The following IQCH variants were observed in gnomAD, a reference collection of about 807,000 sequenced individuals.
The protein encoded by IQCH is IQ motif containing H, also known as IQ domain-containing protein H.
IQCH carries 98 observed loss-of-function variants against 117.0 expected under a neutral mutation model. That is an observed-to-expected ratio of 0.84 (90% CI 0.71 to 0.99). The LOEUF is 0.99. Ranked by LOEUF, IQCH falls within the 50% of genes least tolerant of loss-of-function variation. IQCH has a pLI of 0.00. For synonymous variants in IQCH, 412 were observed against 448.2 expected, an observed-to-expected ratio of 0.92 and a Z score of 1.02; for missense variants, 1,102 against 1,243.8, an observed-to-expected ratio of 0.89 and a Z score of 1.72.
rs1046123009 is a variant in IQCH at position 67,500,331 on chromosome 15, G to A, written c.2971-302G>A. 2.0e-5 allele frequency among the ~76,000 whole-genome samples: 3 copies of A among 151,980 alleles called. No homozygotes were observed. The highest frequency in any genetic ancestry group is 4.4e-5 in the Non-Finnish European group (3 of 67,944). On this transcript the variant is annotated intron_variant, in intron 20 of 20. Transcript: ENST00000335894. This position sits in a 1 kb window ranked among gnomAD's most constrained non-coding sequence, Gnocchi z 4.4. ...GATCAACATTTTTAACAAAATAGAA[G>A]AAAATTTAATTACTAGAAAAATACG...
intron 18 of IQCH, among the ~76,000 whole-genome samples, chr15:67,477,480 G>C (rs2083234513): frequency 6.6e-6 from 1 of 152,208 alleles, no homozygotes; most frequent in African/African-American, 2.4e-5. Flanking sequence ...TCTTTGGTTA[G>C]ATGAATTCGT....
At chr15:67,420,685 T>C (rs2081713828) in intron 15 of IQCH, among the ~76,000 whole-genome samples, 1 of 152,198 alleles carries the variant, frequency 6.6e-6, no homozygotes, top group Non-Finnish European at 1.5e-5. Context: ...TAAAATGTAA[T>C]AAATTATAAA....
At chr15:67,261,472 G>C in intron 2 of IQCH, 78 bp downstream of exon 2, 1 of 1,259,430 alleles carries the variant, frequency 7.9e-7, no homozygotes, top group Non-Finnish European at 1.1e-6. Context: ...AGTTCTCATA[G>C]AGTCCTGCAT....
chr15:67,344,964 A>G (rs1235508126), intron 6 of IQCH, among the ~76,000 whole-genome samples: 2 of 152,146 alleles, frequency 1.3e-5, no homozygotes, highest in Non-Finnish European at 2.9e-5. Context: ...ATCTTTCTAT[A>G]GAAGAATTCC....
At position 67,408,936 on chromosome 15, in the gene IQCH, A is replaced by G. The variant is rs1478843028; in HGVS notation, c.2098-7995A>G. 2.0e-5 allele frequency among the ~76,000 whole-genome samples: 3 copies of G among 151,268 alleles called. No homozygotes were observed. The highest frequency in any genetic ancestry group is 7.2e-5 in the African/African-American group (3 of 41,380). ...TATGTATTTACTTGATATCACTCTT[A>G]TATTTTAATATAATTTCCTTAAAAC... On this transcript the variant is annotated intron_variant, in intron 14 of 20. Coordinates refer to ENST00000335894, the MANE Select transcript of IQCH (RefSeq NM_001031715.3). The surrounding 1 kb of genome is among the most constrained non-coding windows in gnomAD (Gnocchi z 4.2).
chr15:67,386,260 C>T lies in IQCH; in HGVS notation c.1456+1241C>T, dbSNP rs1046783260. Reference sequence around the variant, plus strand: ...TTTCTATATATAGTATAAGCCATCACGAAATAATTTCTTTATAAAAGATTC... The same window carrying T: ...TTTCTATATATAGTATAAGCCATCATGAAATAATTTCTTTATAAAAGATTC... On this transcript the variant is annotated intron_variant, in intron 11 of 20. Coordinates refer to ENST00000335894, the MANE Select transcript of IQCH (RefSeq NM_001031715.3). The surrounding 1 kb of genome is among the most constrained non-coding windows in gnomAD (Gnocchi z 5.0). Among the ~76,000 whole-genome samples, 9 of 151,888 alleles carry T rather than the reference C, an allele frequency of 5.9e-5. No individual in the cohort carries two copies. The highest frequency in any genetic ancestry group is 1.3e-4 in the Admixed American group (2 of 15,244).
At position 67,395,269 on chromosome 15, in the gene IQCH, G is replaced by T; in HGVS notation, c.1633-22G>T. 1 of 1,602,904 alleles carries T rather than the reference G, an allele frequency of 6.2e-7. No homozygotes were observed. ...TAGAAAAAAGGACACCTTTTAACAA[G>T]AATAATATGATCTTCCCCCAGAAGC... On this transcript the variant is annotated intron_variant, in intron 12 of 20. Transcript: ENST00000335894. The surrounding 1 kb of genome is among the most constrained non-coding windows in gnomAD (Gnocchi z 4.0).
chr15:67,257,153 T>C (rs538916887), intron 1 of IQCH, among the ~76,000 whole-genome samples: 23 of 152,326 alleles, frequency 1.5e-4, no homozygotes, highest in African/African-American at 5.3e-4. Flanking sequence ...TGACTTTGAG[T>C]TAGGCACTCA....
intron 3 of IQCH, among the ~76,000 whole-genome samples, chr15:67,277,735 G>A (rs1247236346): frequency 2.0e-5 from 3 of 151,650 alleles, no homozygotes; most frequent in African/African-American, 4.8e-5. Context: ...GGGTTTCACC[G>A]TGTTAGCCAG....
Position 67,421,489 on chromosome 15 carries a change from T to C in IQCH, c.2417T>C (p.Ile806Thr), listed in dbSNP as rs958328632. 2.5e-6 allele frequency: 4 copies of C among 1,614,154 alleles called. No homozygotes were observed. The highest frequency in any genetic ancestry group is 3.4e-6 in the Non-Finnish European group (4 of 1,180,012). ...GTTCTCACTTATTTGTGCCTCCAAA[T>C]TGGAAAAGCCTGCAGAATGAGAGAT... Reference protein sequence around the residue: ...PQVLTYLCLQIGKACRMRDVV... With the variant: ...PQVLTYLCLQTGKACRMRDVV... Residue 806 changes from isoleucine to threonine, a missense_variant, in exon 16 of 21, where the codon ATT (isoleucine) becomes ACT (threonine). By Grantham distance (89) the Ile-to-Thr change is moderately conservative (BLOSUM62 -1). Coordinates refer to ENST00000335894, the MANE Select transcript of IQCH (RefSeq NM_001031715.3).
intron 1 of IQCH, among the ~76,000 whole-genome samples, chr15:67,258,387 C>T (rs35731545): frequency 0.014 from 2,053 of 151,274 alleles, 17 homozygotes; most frequent in Non-Finnish European, 0.019. Context: ...AAAAATTAGC[C>T]GAGCGTGGTG....
intron 8 of IQCH, chr15:67,371,628 C>A: frequency 3.9e-6 from 3 of 767,644 alleles, no homozygotes; most frequent in South Asian, 1.9e-5. Context: ...AAGTGATGAT[C>A]TTTTATGAAG....
At position 67,490,325 on chromosome 15, in the gene IQCH, C is replaced by G. The variant is rs1044040265; in HGVS notation, c.2861+261C>G. Among the ~76,000 whole-genome samples, 27 of 152,146 alleles carry G rather than the reference C, an allele frequency of 1.8e-4. 1 individual carries two copies. Among genetic ancestry groups the G allele is most frequent in the African/African-American group, 6.0e-4 (25 of 41,430 alleles). ...GGTTCAAGCGATTCTCCTGCCTCAG[C>G]CTCCCAAGTAGCTGGGATTACAGGT... On this transcript the variant is annotated intron_variant, in intron 19 of 20. Transcript: ENST00000335894. This position sits in a 1 kb window ranked among gnomAD's most constrained non-coding sequence, Gnocchi z 4.9.
At position 67,453,926 on chromosome 15, in the gene IQCH, A is replaced by G. The variant is rs1357362937; in HGVS notation, c.2506-11201A>G. On this transcript the variant is annotated intron_variant, in intron 16 of 20. Coordinates refer to ENST00000335894, the MANE Select transcript of IQCH (RefSeq NM_001031715.3). The surrounding 1 kb of genome is among the most constrained non-coding windows in gnomAD (Gnocchi z 5.8). ...ACGTAATCAAACAACTAACTCGGCAATGGCGGGCACCCCTCCCCCAGCCTC... is the reference window on the plus strand; with the variant it reads ...ACGTAATCAAACAACTAACTCGGCAGTGGCGGGCACCCCTCCCCCAGCCTC... Among the ~76,000 whole-genome samples the G allele has an allele frequency of 1.3e-5, 2 of 152,236 alleles. No individual in the cohort carries two copies. Among genetic ancestry groups the G allele is most frequent in the East Asian group, 1.9e-4 (1 of 5,190 alleles).
rs1567183799 is a variant in IQCH at position 67,433,405 on chromosome 15, A to G, written c.2505+11828A>G. Among the ~76,000 whole-genome samples the G allele has an allele frequency of 6.6e-6, 1 of 152,330 alleles. No homozygotes were observed. Among genetic ancestry groups the G allele is most frequent in the East Asian group, 1.9e-4 (1 of 5,186 alleles). ...TATTACCATTTGTGACTGTCCTTAAATGTTTGGTTAACCCCCCTTACACTG... is the reference window on the plus strand; with the variant it reads ...TATTACCATTTGTGACTGTCCTTAAGTGTTTGGTTAACCCCCCTTACACTG... On this transcript the variant is annotated intron_variant, in intron 16 of 20. Transcript: ENST00000335894. The surrounding 1 kb of genome is among the most constrained non-coding windows in gnomAD (Gnocchi z 5.4).
rs1175703470 is a variant in IQCH at position 67,424,178 on chromosome 15, C to T, written c.2505+2601C>T. ...GTTTTGTTCTGGTCCATCCACACACCCTGTCTCATTCCCTCTTACTCATCA... is the reference window on the plus strand; with the variant it reads ...GTTTTGTTCTGGTCCATCCACACACTCTGTCTCATTCCCTCTTACTCATCA... On this transcript the variant is annotated intron_variant, in intron 16 of 20. Transcript: ENST00000335894. This position sits in a 1 kb window ranked among gnomAD's most constrained non-coding sequence, Gnocchi z 4.9. Among the ~76,000 whole-genome samples the T allele has an allele frequency of 6.6e-6, 1 of 152,138 alleles. No individual in the cohort carries two copies. Among genetic ancestry groups the T allele is most frequent in the Non-Finnish European group, 1.5e-5 (1 of 68,034 alleles).
chr15:67,397,921 A>G (rs923322389), intron 13 of IQCH, among the ~76,000 whole-genome samples: 1 of 152,226 alleles, frequency 6.6e-6, no homozygotes, highest in Non-Finnish European at 1.5e-5. Context: ...AACATGCTCC[A>G]TGGGAAATAT....
chr15:67,403,019 G>A lies in IQCH; in HGVS notation c.2097+2714G>A, dbSNP rs1026642501. Among the ~76,000 whole-genome samples, 2 of 152,142 alleles carry A rather than the reference G, an allele frequency of 1.3e-5. No homozygotes were observed. Among genetic ancestry groups the A allele is most frequent in the Non-Finnish European group, 1.5e-5 (1 of 68,014 alleles). On this transcript the variant is annotated intron_variant, in intron 14 of 20. Coordinates refer to ENST00000335894, the MANE Select transcript of IQCH (RefSeq NM_001031715.3). This position sits in a 1 kb window ranked among gnomAD's most constrained non-coding sequence, Gnocchi z 4.8. ...TCCTAGCACTCTGGGAGGCCAAGGC[G>A]GGTGAATCACCTGAGGTCAGGAGTT...
At chr15:67,264,890 C>CAT (rs1156766803) in intron 3 of IQCH, among the ~76,000 whole-genome samples, 1 of 142,594 alleles carries the variant, frequency 7.0e-6, no homozygotes, top group Non-Finnish European at 1.6e-5. Context: ...CCTCCCCTAC[C>CAT]ATATGTATAT....
Sources: gnomAD v4.1 joint callset for allele counts (sites outside exome capture counted in the v4.1 genomes callset) on GRCh38, gnomAD v4.1.1 for gene constraint, Gnocchi (gnomAD v3.1) non-coding constraint, MANE v1.5 for transcripts, NCBI Gene and HGNC (gene_info 2026-07-23, HGNC 2026-07-21) for gene names.